Variants in EVI5L observed in about 807,000 individuals in gnomAD.
EVI5L encodes the protein EVI5-like protein.
A neutral mutation model predicts 106.1 loss-of-function variants in EVI5L; 30 were observed. The ratio of observed to expected loss-of-function variants is 0.28; its 90% confidence interval spans 0.21 to 0.38. EVI5L has a LOEUF of 0.38. Among genes scored for constraint, EVI5L ranks in the 10% least tolerant of loss-of-function variants. EVI5L has a pLI of 1.00. For synonymous variants in EVI5L, 489 were observed against 483.3 expected (o/e 1.01, Z -0.15); for missense variants, 809 against 1,098.0 (o/e 0.74, Z 3.72).
chr19:7,830,558 G>A (rs1228842909), intron 1 of EVI5L, among the ~76,000 whole-genome samples, 177 bp downstream of exon 1: 20 of 144,750 alleles, frequency 1.4e-4, no homozygotes, highest in South Asian at 1.1e-3. Flanking sequence ...GCCCACCCTC[G>A]TTGCCGATCC....
Position 7,858,990 on chromosome 19 carries a change from A to T in EVI5L, c.1374+659A>T, listed in dbSNP as rs997235070. ...TGGATCACCTGAGGTTAGGAGTTCG[A>T]GACCAGCCTGGCCAACATGATGAAG... is the stretch of plus-strand genomic sequence containing the variant. On this transcript the variant is annotated intron_variant, in intron 13 of 19. Transcript: ENST00000538904. The surrounding 1 kb of genome is among the most constrained non-coding windows in gnomAD (Gnocchi z 5.7). 1 of 152,278 alleles carries T rather than the reference A, an allele frequency of 6.6e-6. No individual in the cohort carries two copies. The highest frequency in any genetic ancestry group is 1.5e-5 in the Non-Finnish European group (1 of 68,118). The allele number at this position is 152,278 out of a possible 1,614,324, so 9.4% of individuals were successfully genotyped here.
At position 7,856,048 on chromosome 19, in the gene EVI5L, C is replaced by T. The variant is rs1432442985; in HGVS notation, c.1180C>T (p.Arg394Trp). ...LRTENRLLKQ[R>W]IETLEKESAA... Reference sequence around the variant, plus strand: ...GACGGAGAACCGGCTCCTGAAACAGCGGATTGAAACCCTAGAGAAGGTGAG... The same window carrying T: ...GACGGAGAACCGGCTCCTGAAACAGTGGATTGAAACCCTAGAGAAGGTGAG... The change falls in exon 11 of 20, where the codon CGG becomes TGG. Residue 394 changes from arginine to tryptophan, a missense_variant. Transcript: ENST00000538904. This position sits in a 1 kb window ranked among gnomAD's most constrained non-coding sequence, Gnocchi z 6.6. 2 of 1,329,600 alleles carry T rather than the reference C, an allele frequency of 1.5e-6. No homozygotes were observed. Among genetic ancestry groups the T allele is most frequent in the East Asian group, 2.8e-5 (1 of 35,782 alleles). 82.4% of individuals were successfully genotyped at this position (1,329,600 alleles called of 1,614,324 possible).
chr19:7,846,924 C>A (rs966931524), intron 2 of EVI5L, among the ~76,000 whole-genome samples: 2 of 152,214 alleles, frequency 1.3e-5, no homozygotes, highest in African/African-American at 4.8e-5. Flanking sequence ...GAATCCGCCG[C>A]GGTTAATGGA....
At chr19:7,844,415 T>C (rs1978860925) in intron 1 of EVI5L, among the ~76,000 whole-genome samples, 1 of 151,016 alleles carries the variant, frequency 6.6e-6, no homozygotes, top group South Asian at 2.1e-4. Context: ...TGAGCTTGGG[T>C]TTCTTTGGTT....
At position 7,856,203 on chromosome 19, in the gene EVI5L, C is replaced by G; in HGVS notation, c.1200+135C>G. On this transcript the variant is annotated intron_variant, in intron 11 of 19. Coordinates refer to ENST00000538904, the MANE Select transcript of EVI5L (RefSeq NM_001159944.3). This position sits in a 1 kb window ranked among gnomAD's most constrained non-coding sequence, Gnocchi z 6.6. The stretch of plus-strand genomic sequence containing the variant: ...GGACTAAGCAGCCCTACCTTCCTGC[C>G]CCAGGACCCGACCTGAACCCGATTT... 1.1e-6 allele frequency: 1 copy of G among 881,862 alleles called. No homozygotes were observed. Among genetic ancestry groups the G allele is most frequent in the Non-Finnish European group, 1.5e-6 (1 of 656,828 alleles). The allele number at this position is 881,862 out of a possible 1,614,324, so 54.6% of individuals were successfully genotyped here. A position where few individuals can be genotyped will look rare whatever the true frequency, so the allele number is the denominator to read the frequency against.
chr19:7,862,578 G>A, intron 17 of EVI5L, 44 bp downstream of exon 17: 2 of 1,278,166 alleles, frequency 1.6e-6, no homozygotes, highest in Non-Finnish European at 2.0e-6. Flanking sequence ...CACCGCCCCC[G>A]GACGCGCCCC....
At chr19:7,841,436 G>A (rs1978597287) in intron 1 of EVI5L, among the ~76,000 whole-genome samples, 1 of 151,982 alleles carries the variant, frequency 6.6e-6, no homozygotes, top group Non-Finnish European at 1.5e-5. Flanking sequence ...TAGGGAAGGA[G>A]GAAGCATGCG....
chr19:7,835,463 G>A lies in EVI5L; in HGVS notation c.-48+5082G>A, dbSNP rs565926183. 1.4e-3 allele frequency among the ~76,000 whole-genome samples: 214 copies of A among 152,260 alleles called. No homozygotes were observed. Among genetic ancestry groups the A allele is most frequent in the Admixed American group, 2.7e-3 (41 of 15,298 alleles). ...GCAAAGGCTGCAGTGAGCCAAGATC[G>A]TGCCACTGCACTCCAGCCTGGGTGA... On this transcript the variant is annotated intron_variant, in intron 1 of 19. Transcript: ENST00000538904. The surrounding 1 kb of genome is among the most constrained non-coding windows in gnomAD (Gnocchi z 4.1).
rs775612213 is a variant in EVI5L, at chr19:7,845,649, A to C, written c.-47-847A>C. Among the ~76,000 whole-genome samples the C allele has an allele frequency of 3.3e-5, 5 of 152,246 alleles. No homozygotes were observed. The highest frequency in any genetic ancestry group is 5.9e-5 in the Non-Finnish European group (4 of 68,050). ...TTGAGGGGAGCCATGCTTCAGACGC[A>C]GATCCATTTGAGCCCAGTACCTTTG... On this transcript the variant is annotated intron_variant, in intron 1 of 19. Coordinates refer to ENST00000538904, the MANE Select transcript of EVI5L (RefSeq NM_001159944.3). The surrounding 1 kb of genome is among the most constrained non-coding windows in gnomAD (Gnocchi z 4.0).
rs543129848 is a variant in EVI5L at position 7,845,796 on chromosome 19, G to C, written c.-47-700G>C. ...CAAAAAGATAGGAGAGATGTGCCTG[G>C]GACTCACCTGGCACGTGGCAGGCCA... On this transcript the variant is annotated intron_variant, in intron 1 of 19. Transcript: ENST00000538904. The surrounding 1 kb of genome is among the most constrained non-coding windows in gnomAD (Gnocchi z 4.0). Among the ~76,000 whole-genome samples, 4 of 152,290 alleles carry C rather than the reference G, an allele frequency of 2.6e-5. No individual in the cohort carries two copies. Among genetic ancestry groups the C allele is most frequent in the African/African-American group, 9.6e-5 (4 of 41,574 alleles).
In EVI5L at chr19:7,858,481, C is replaced by A. The variant is rs1182841327; in HGVS notation, c.1374+150C>A. 16 of 981,530 alleles carry A rather than the reference C, an allele frequency of 1.6e-5. No individual in the cohort carries two copies. Among genetic ancestry groups the A allele is most frequent in the Admixed American group, 3.0e-5 (1 of 33,868 alleles). The allele number at this position is 981,530 out of a possible 1,614,324, so 60.8% of individuals were successfully genotyped here. On this transcript the variant is annotated intron_variant, in intron 13 of 19. Transcript: ENST00000538904. This position sits in a 1 kb window ranked among gnomAD's most constrained non-coding sequence, Gnocchi z 5.7. ...GGGGTAAGGGGAACCCAGAGACAAG[C>A]GCAGATTCTCCCCCAGCAGCTCCAC...
At chr19:7,844,833 TGGA>T (rs2146421236) in intron 1 of EVI5L, among the ~76,000 whole-genome samples, 1 of 152,244 alleles carries the variant, frequency 6.6e-6, no homozygotes, top group East Asian at 1.9e-4. Context: ...CACAGAGGCC[TGGA>T]GAAAGAGGGT....
Position 7,857,140 on chromosome 19 carries a change from A to G in EVI5L, c.1233+16A>G. 6.4e-7 allele frequency: 1 copy of G among 1,551,488 alleles called. No individual in the cohort carries two copies. The highest frequency in any genetic ancestry group is 8.7e-7 in the Non-Finnish European group (1 of 1,146,960). ...GTTAATCCAGGTACTGTAGCTTTTT[A>G]TCCCCTCTCCGGATTCCTTCCTGGC... On this transcript the variant is annotated intron_variant, in intron 12 of 19. Coordinates refer to ENST00000538904, the MANE Select transcript of EVI5L (RefSeq NM_001159944.3). This position sits in a 1 kb window ranked among gnomAD's most constrained non-coding sequence, Gnocchi z 4.5.
chr19:7,833,836 C>A (rs1485622387), intron 1 of EVI5L, among the ~76,000 whole-genome samples: 2 of 152,206 alleles, frequency 1.3e-5, no homozygotes, highest in Non-Finnish European at 2.9e-5. Flanking sequence ...GGGAAGACTG[C>A]AGCACACACA....
At position 7,858,667 on chromosome 19, in the gene EVI5L, C is replaced by T. The variant is rs1979653534; in HGVS notation, c.1374+336C>T. 6 of 323,930 alleles carry T rather than the reference C, an allele frequency of 1.9e-5. No individual in the cohort carries two copies. Among genetic ancestry groups the T allele is most frequent in the South Asian group, 1.3e-4 (3 of 23,380 alleles). The allele number at this position is 323,930 out of a possible 1,614,324, so 20.1% of individuals were successfully genotyped here. On this transcript the variant is annotated intron_variant, in intron 13 of 19. Coordinates refer to ENST00000538904, the MANE Select transcript of EVI5L (RefSeq NM_001159944.3). This position sits in a 1 kb window ranked among gnomAD's most constrained non-coding sequence, Gnocchi z 5.7. The stretch of plus-strand genomic sequence containing the variant: ...CAGCAGACAGGGCTGTGACTCCTTA[C>T]GGAGGCTCTTGCCTGTCCCCAGGGT...
At chr19:7,832,369 G>A (rs930797173) in intron 1 of EVI5L, among the ~76,000 whole-genome samples, 1 of 152,204 alleles carries the variant, frequency 6.6e-6, no homozygotes, top group African/African-American at 2.4e-5. Flanking sequence ...ACATAACTGT[G>A]CTCAGAAACC....
chr19:7,854,010 G>A (rs999513552), intron 10 of EVI5L, among the ~76,000 whole-genome samples: 1 of 152,138 alleles, frequency 6.6e-6, no homozygotes, highest in Admixed American at 6.5e-5. Flanking sequence ...TGCCGGGCGC[G>A]ATGGCTCATG....
At chr19:7,851,612 C>A in intron 7 of EVI5L, 35 bp downstream of exon 7, 1 of 1,601,542 alleles carries the variant, frequency 6.2e-7, no homozygotes. Context: ...GGGAAGAGAG[C>A]CCCTTGGGGG....
At chr19:7,834,595 G>A (rs1978315978) in intron 1 of EVI5L, among the ~76,000 whole-genome samples, 1 of 152,092 alleles carries the variant, frequency 6.6e-6, no homozygotes, top group African/African-American at 2.4e-5. Context: ...AGAAAGGGAG[G>A]GCCTGTTGAA....
Sources: allele counts gnomAD v4.1 joint callset (sites outside exome capture counted in the v4.1 genomes callset), GRCh38; gene constraint gnomAD v4.1.1; non-coding constraint Gnocchi (gnomAD v3.1); transcripts MANE v1.5; gene names NCBI Gene and HGNC (gene_info 2026-07-23, HGNC 2026-07-21).